The following CRTAC1 variants were observed in gnomAD, a reference collection of about 807,000 sequenced individuals.
CRTAC1 encodes acidic secreted protein in cartilage.
In CRTAC1, 37 loss-of-function variants were observed where a neutral mutation model predicts 67.8. That is an observed-to-expected ratio of 0.55 (90% CI 0.42 to 0.72). The LOEUF (loss-of-function observed/expected upper bound fraction) is 0.72. Among genes scored for constraint, CRTAC1 ranks in the 30% least tolerant of loss-of-function variants. The pLI is 0.00. For synonymous variants in CRTAC1, 348 were observed against 371.0 expected, an observed-to-expected ratio of 0.94 and a Z score of 0.71; for missense variants, 780 against 931.6, an observed-to-expected ratio of 0.84 and a Z score of 2.12.
chr10:97,997,492 C>T (rs1842606572), intron 2 of CRTAC1, among the ~76,000 whole-genome samples: 1 of 149,020 alleles, frequency 6.7e-6, no homozygotes, highest in Non-Finnish European at 1.5e-5. Flanking sequence ...TCAATTTAGG[C>T]CCACAGAACT....
intron 1 of CRTAC1, among the ~76,000 whole-genome samples, chr10:98,025,090 C>T (rs1843200859): frequency 6.6e-6 from 1 of 152,134 alleles, no homozygotes; most frequent in Admixed American, 6.5e-5. Flanking sequence ...GTGATCCTGG[C>T]TGCTTCCCTC....
chr10:97,916,602 C>T (rs983018942), intron 5 of CRTAC1, among the ~76,000 whole-genome samples: 1 of 152,180 alleles, frequency 6.6e-6, no homozygotes, highest in Non-Finnish European at 1.5e-5. Flanking sequence ...TCCTTCCAGC[C>T]CCAGGATTCA....
chr10:97,932,330 A>G lies in CRTAC1; in HGVS notation c.421+3840T>C, dbSNP rs376446402. Among the ~76,000 whole-genome samples the G allele has an allele frequency of 2.1e-3, 314 of 152,254 alleles. 1 individual carries two copies. Among genetic ancestry groups the G allele is most frequent in the African/African-American group, 7.0e-3 (292 of 41,528 alleles). On this transcript the variant is annotated intron_variant, in intron 3 of 14. Transcript: ENST00000370597. The stretch of plus-strand genomic sequence containing the variant: ...ACTGTAATAAGTGCTTTCATTCGTT[A>G]TCTCAGGTGTTCATTCAAAAATACG...
intron 14 of CRTAC1, among the ~76,000 whole-genome samples, chr10:97,879,116 A>C (rs1490781463): frequency 6.6e-6 from 1 of 152,198 alleles, no homozygotes; most frequent in Non-Finnish European, 1.5e-5. Flanking sequence ...TAGAGAGTTT[A>C]TTGGCATAAT....
intron 1 of CRTAC1, among the ~76,000 whole-genome samples, chr10:98,018,231 AAGAG>A (rs751415654): frequency 3.9e-4 from 55 of 142,156 alleles, no homozygotes; most frequent in African/African-American, 1.3e-3. Context: ...AAAAAAAAAA[AAGAG>A]AGAGAGAGAG....
intron 2 of CRTAC1, among the ~76,000 whole-genome samples, chr10:97,941,607 C>T (rs185417463): frequency 3.6e-4 from 55 of 152,282 alleles, no homozygotes; most frequent in Non-Finnish European, 7.4e-5. Flanking sequence ...CAGGAACCTG[C>T]GTCAGACTTG....
intron 2 of CRTAC1, among the ~76,000 whole-genome samples, chr10:97,967,565 A>G (rs2051639225): frequency 6.6e-6 from 1 of 152,172 alleles, no homozygotes; most frequent in African/African-American, 2.4e-5. Flanking sequence ...ATACTAACCC[A>G]TGTATAGACA....
intron 2 of CRTAC1, among the ~76,000 whole-genome samples, chr10:97,943,392 G>C (rs2051209411): frequency 6.6e-6 from 1 of 152,184 alleles, no homozygotes; most frequent in Non-Finnish European, 1.5e-5. Flanking sequence ...CAAATGGAGA[G>C]ACCCCTAGAA....
At chr10:97,976,910 G>T (rs1017319767) in intron 2 of CRTAC1, among the ~76,000 whole-genome samples, 6 of 152,182 alleles carry the variant, frequency 3.9e-5, no homozygotes, top group Non-Finnish European at 8.8e-5. Flanking sequence ...TTGTTGAATT[G>T]AATAAAATGT....
chr10:97,917,208 C>T lies in CRTAC1; in HGVS notation c.715+292G>A, dbSNP rs187828392. Among the ~76,000 whole-genome samples the T allele has an allele frequency of 3.6e-3, 546 of 152,302 alleles. 3 individuals are homozygous for T. The highest frequency in any genetic ancestry group is 6.8e-3 in the Middle Eastern group (2 of 294). On this transcript the variant is annotated intron_variant, in intron 5 of 14. Transcript: ENST00000370597. ...ACCAGAGGCAGTGGGGCAAGAGGTT[C>T]CAGGGAGAAAATGATGTGGTGTTCT...
At chr10:97,899,710 G>A (rs11189426) in intron 8 of CRTAC1, among the ~76,000 whole-genome samples, 11,488 of 152,224 alleles carry the variant, frequency 0.075, 499 homozygotes, top group South Asian at 0.12. Context: ...TTTAAAACAC[G>A]CTTAGTCACA....
chr10:97,885,034 C>G (rs1239704321), intron 11 of CRTAC1, among the ~76,000 whole-genome samples: 1 of 152,222 alleles, frequency 6.6e-6, no homozygotes, highest in Non-Finnish European at 1.5e-5. Context: ...CATGGAGTTC[C>G]CAGTCCAGTT....
At chr10:97,969,806 C>T (rs868779727) in intron 2 of CRTAC1, among the ~76,000 whole-genome samples, 6 of 152,224 alleles carry the variant, frequency 3.9e-5, no homozygotes, top group South Asian at 4.1e-4. Flanking sequence ...ACGCTGGAGG[C>T]AGTAGGCTTA....
At chr10:97,924,752 A>G (rs980762684) in intron 3 of CRTAC1, among the ~76,000 whole-genome samples, 1 of 152,186 alleles carries the variant, frequency 6.6e-6, no homozygotes, top group African/African-American at 2.4e-5. Flanking sequence ...GATTTTTCTC[A>G]TGTTATAGAT....
intron 2 of CRTAC1, among the ~76,000 whole-genome samples, chr10:97,945,439 T>G (rs753403520): frequency 3.9e-5 from 6 of 152,246 alleles, no homozygotes; most frequent in Non-Finnish European, 8.8e-5. Context: ...CTCTTTTTTT[T>G]GTTTGTTTTT....
chr10:97,966,151 T>G (rs917247931), intron 2 of CRTAC1, among the ~76,000 whole-genome samples: 40 of 152,222 alleles, frequency 2.6e-4, no homozygotes, highest in African/African-American at 9.7e-4. Context: ...TGATCTCAGC[T>G]CACTGCAACC....
rs116505363 is a variant in CRTAC1, at chr10:97,929,226, G to T, written c.422-5826C>A. Among the ~76,000 whole-genome samples the T allele has an allele frequency of 3.3e-3, 498 of 152,272 alleles. 5 individuals carry two copies. Among genetic ancestry groups the T allele is most frequent in the African/African-American group, 0.012 (478 of 41,538 alleles). ...CAAGAGGTCACTGGCCAAGAGGCAT[G>T]ACTGCTTACAGAATAGAGTCTGGAG... On this transcript the variant is annotated intron_variant, in intron 3 of 14. Transcript: ENST00000370597.
At chr10:98,007,515 T>C (rs928393642) in intron 2 of CRTAC1, among the ~76,000 whole-genome samples, 1 of 152,218 alleles carries the variant, frequency 6.6e-6, no homozygotes, top group African/African-American at 2.4e-5. Flanking sequence ...GACCTGGAGC[T>C]GGGAGACTGC....
At position 98,011,168 on chromosome 10, in the gene CRTAC1, T is replaced by C. The variant is rs1335554407; in HGVS notation, c.194A>G (p.His65Arg). 4 of 1,614,070 alleles carry C rather than the reference T, an allele frequency of 2.5e-6. No individual in the cohort carries two copies. The highest frequency in any genetic ancestry group is 3.4e-6 in the Non-Finnish European group (4 of 1,180,034). ...CACGACGATCTCAAAGTCCCCATCA[T>C]GGTCCACATCAGTAACTGCCACACC... is the stretch of plus-strand genomic sequence containing the variant. ...NYGVAVTDVD[H>R]DGDFEIVVAG... The change falls in exon 2 of 15, where the codon CAT becomes CGT. Residue 65 changes from histidine to arginine, a missense_variant. By Grantham distance (29) the His-to-Arg change is conservative. Transcript: ENST00000370597.
Sources: gnomAD v4.1 joint callset for allele counts (sites outside exome capture counted in the v4.1 genomes callset) on GRCh38, gnomAD v4.1.1 for gene constraint, MANE v1.5 for transcripts, NCBI Gene and HGNC (gene_info 2026-07-23, HGNC 2026-07-21) for gene names.